Variants in MAP7D3 observed in about 807,000 individuals in gnomAD.
MAP7D3 encodes MAP7 domain-containing protein 3.
MAP7D3 carries 45 observed loss-of-function variants against 62.2 expected under a neutral mutation model. That is an observed-to-expected ratio of 0.72 (90% CI 0.57 to 0.93). The LOEUF (loss-of-function observed/expected upper bound fraction) is 0.93, where lower values mean the gene tolerates loss of function less well. MAP7D3 is among the 40% of genes least tolerant of loss of function. The pLI is 0.00. For synonymous variants in MAP7D3, 288 were observed against 248.8 expected (o/e 1.16, Z -1.48); for missense variants, 711 against 683.1 (o/e 1.04, Z -0.45).
chrX:136,218,857 A>AT (rs1345623493), intron 18 of MAP7D3, among the ~76,000 whole-genome samples: 39 of 105,586 alleles, frequency 3.7e-4, no homozygotes, highest in South Asian at 2.9e-3. Context: ...TGAAAAGATC[A>AT]TTTTTTTTTT....
At chrX:136,256,109 A>G, upstream of MAP7D3, 1 of 745,602 alleles carries the variant, frequency 1.3e-6, no homozygotes, top group Non-Finnish European at 1.6e-6. Context: ...TGTCATATAC[A>G]CAGTTGAGAC....
At chrX:136,252,262 C>T (rs1355277979), upstream of MAP7D3, among the ~76,000 whole-genome samples, 1 of 110,790 alleles carries the variant, frequency 9.0e-6, no homozygotes, top group Non-Finnish European at 1.9e-5. Flanking sequence ...GGCACTTTGG[C>T]GAGACCACTG....
chrX:136,239,257 T>G (rs2148415448), intron 6 of MAP7D3, among the ~76,000 whole-genome samples: 1 of 112,395 alleles, frequency 8.9e-6, no homozygotes, highest in African/African-American at 3.2e-5. Flanking sequence ...ATTTTTCTTT[T>G]AATAAGGAAC....
intron 11 of MAP7D3, among the ~76,000 whole-genome samples, chrX:136,227,749 T>C (rs2074215107): frequency 9.0e-6 from 1 of 111,179 alleles, no homozygotes; most frequent in Admixed American, 9.6e-5. Context: ...AAAGGCCTTC[T>C]TTACACGTGC....
intron 14 of MAP7D3, among the ~76,000 whole-genome samples, chrX:136,224,481 C>CAA (rs368465251): frequency 7.5e-5 from 5 of 66,365 alleles, no homozygotes; most frequent in African/African-American, 1.1e-4. Context: ...ACATTGTATA[C>CAA]AAAAAAAAAA....
chrX:136,256,393 A>G, upstream of MAP7D3: 1 of 1,022,645 alleles, frequency 9.8e-7, no homozygotes, highest in East Asian at 3.3e-5. Context: ...CCAACAACTG[A>G]CACTTCAGTA....
chrX:136,229,958 TG>T (rs1279899098), intron 10 of MAP7D3, among the ~76,000 whole-genome samples: 5 of 41,766 alleles, frequency 1.2e-4, no homozygotes, highest in African/African-American at 2.7e-4. Flanking sequence ...TTTTTTTTTG[TG>T]TGTGTATATA....
chrX:136,244,866 A>G, intron 3 of MAP7D3, 71 bp from the exon 4 acceptor site: 2 of 788,689 alleles, frequency 2.5e-6, no homozygotes, highest in Admixed American at 3.0e-5. Context: ...CATTACACAC[A>G]CAGAAGGAAA....
chrX:136,246,533 A>G (rs1439068744), intron 1 of MAP7D3, among the ~76,000 whole-genome samples, 192 bp from the exon 2 acceptor site: 2 of 112,349 alleles, frequency 1.8e-5, no homozygotes, highest in Non-Finnish European at 3.8e-5. Context: ...TTAACAAAGA[A>G]TTTAAAGTGT....
intron 7 of MAP7D3, among the ~76,000 whole-genome samples, chrX:136,235,637 T>C (rs1037971610): frequency 1.8e-5 from 2 of 110,575 alleles, no homozygotes; most frequent in Admixed American, 1.9e-4. Flanking sequence ...TAATCCCAGC[T>C]ACTCGGGAAG....
intron 10 of MAP7D3, among the ~76,000 whole-genome samples, chrX:136,229,372 T>C (rs1468685521): frequency 9.0e-6 from 1 of 111,424 alleles, no homozygotes; most frequent in African/African-American, 3.3e-5. Flanking sequence ...AGAAGACATA[T>C]CAGGAATGAA....
chrX:136,228,292 C>T (rs923914313), intron 11 of MAP7D3, among the ~76,000 whole-genome samples: 4 of 112,068 alleles, frequency 3.6e-5, no homozygotes, highest in African/African-American at 1.3e-4. Flanking sequence ...CACTAGTGAA[C>T]ACGAACTGAT....
Position 136,218,018 on chromosome X carries a change from G to C in MAP7D3, c.*508C>G, listed in dbSNP as rs1296362210. Reference sequence around the variant, plus strand: ...TGCAGTGAGCCGAGATTGTGCCACTGCACTGCAGCCTGGGCGACAGGGCAA... The same window carrying C: ...TGCAGTGAGCCGAGATTGTGCCACTCCACTGCAGCCTGGGCGACAGGGCAA... On this transcript the variant is annotated 3_prime_UTR_variant, in exon 19 of 19. Transcript: ENST00000316077. 1 of 106,944 alleles carries C rather than the reference G, an allele frequency of 9.4e-6. No individual in the cohort carries two copies. Among genetic ancestry groups the C allele is most frequent in the Non-Finnish European group, 1.9e-5 (1 of 51,887 alleles). 8.8% of individuals were successfully genotyped at this position (106,944 alleles called of 1,213,427 possible).
intron 1 of MAP7D3, among the ~76,000 whole-genome samples, chrX:136,250,004 T>C (rs918533531): frequency 1.8e-5 from 2 of 112,374 alleles, no homozygotes; most frequent in Non-Finnish European, 3.7e-5. Context: ...CTTCACCATA[T>C]TGGAGTAATG....
At chrX:136,255,545 C>A (rs1209282528), upstream of MAP7D3, among the ~76,000 whole-genome samples, 1 of 111,535 alleles carries the variant, frequency 9.0e-6, no homozygotes, top group African/African-American at 3.3e-5. Context: ...ATCTCATTGA[C>A]TCTAAACTAA....
chrX:136,218,660 C>T (rs762015309), intron 18 of MAP7D3, among the ~76,000 whole-genome samples, 167 bp from the exon 19 acceptor site: 3 of 111,418 alleles, frequency 2.7e-5, no homozygotes, highest in East Asian at 2.8e-4. Flanking sequence ...AGTCCCCAAC[C>T]AGGCCCAAGG....
Position 136,225,931 on chromosome X carries a change from T to G in MAP7D3, c.2117A>C (p.Gln706Pro). Reference sequence around the variant, plus strand: ...TACCTTTTTCCTTTCTAACCGTTCTTGTAAATTTTGTAACATAATTCTCTC... The same window carrying G: ...TACCTTTTTCCTTTCTAACCGTTCTGGTAAATTTTGTAACATAATTCTCTC... ...EHERIMLQNL[Q>P]ERLERKKRIE... The change falls in exon 13 of 19, where the codon CAA (glutamine) becomes CCA (proline). Residue 706 changes from glutamine to proline, a missense_variant. By Grantham distance (76) the Gln-to-Pro change is moderately conservative (BLOSUM62 -1). Transcript: ENST00000316077. 8.4e-7 allele frequency: 1 copy of G among 1,197,496 alleles called. No homozygotes were observed.
intron 3 of MAP7D3, among the ~76,000 whole-genome samples, chrX:136,245,703 C>T (rs1291487662): frequency 9.1e-6 from 1 of 110,066 alleles, no homozygotes; most frequent in African/African-American, 3.3e-5. Flanking sequence ...GCTGAGATCG[C>T]GCCACTGAAC....
rs1282423560 is a variant in MAP7D3 at position 136,218,353 on chromosome X, G to GTTTC, written c.*169_*172dup. 2.7e-5 allele frequency: 3 copies of GTTTC among 112,190 alleles called. No homozygotes were observed. The highest frequency in any genetic ancestry group is 9.4e-5 in the Admixed American group (1 of 10,624). 9.2% of individuals were successfully genotyped at this position (112,190 alleles called of 1,213,427 possible). The stretch of plus-strand genomic sequence containing the variant: ...TATACATCAAAGTGGCCTTTTGACA[G>GTTTC]TTTCTTTCAATTTTTCGGTGTCACT... On this transcript the variant is annotated 3_prime_UTR_variant, in exon 19 of 19. Coordinates refer to ENST00000316077, the MANE Select transcript of MAP7D3 (RefSeq NM_024597.4).
Sources: allele counts gnomAD v4.1 joint callset (sites outside exome capture counted in the v4.1 genomes callset), GRCh38; gene constraint gnomAD v4.1.1; transcripts MANE v1.5; gene names NCBI Gene and HGNC (gene_info 2026-07-23, HGNC 2026-07-21).